Variants in TAOK3 observed in about 807,000 individuals in gnomAD.
TAOK3 encodes the protein TAO kinase 3.
In TAOK3, 40 loss-of-function variants were observed where a neutral mutation model predicts 120.4. That is an observed-to-expected ratio of 0.33 (90% confidence interval 0.26 to 0.43). TAOK3 has a LOEUF of 0.43. TAOK3 is among the 20% of genes least tolerant of loss of function. The probability of loss-of-function intolerance (pLI) is 1.00; values close to 1 mark genes in which losing one functional copy is unlikely to be tolerated. For missense variants in TAOK3, 821 were observed against 1,112.1 expected (o/e 0.74, Z 3.72); for synonymous variants, 355 against 387.5 (o/e 0.92, Z 0.99).
chr12:118,355,144 C>T (rs994749815), intron 1 of TAOK3, among the ~76,000 whole-genome samples: 2 of 152,100 alleles, frequency 1.3e-5, no homozygotes, highest in African/African-American at 4.8e-5. Flanking sequence ...CCACAGTTCA[C>T]CATGAGTAAT....
At chr12:118,207,030 T>C (rs766116602) in intron 11 of TAOK3, among the ~76,000 whole-genome samples, 2 of 151,632 alleles carry the variant, frequency 1.3e-5, no homozygotes, top group South Asian at 2.1e-4. Context: ...GAAAAATGTA[T>C]AAAAAAAGAA....
chr12:118,166,120 C>G (rs1291365734), intron 17 of TAOK3, among the ~76,000 whole-genome samples: 1 of 152,136 alleles, frequency 6.6e-6, no homozygotes, highest in Non-Finnish European at 1.5e-5. Context: ...AGGATTTCCC[C>G]CTTTTATATG....
At chr12:118,350,793 G>GAGGTTGCAGGGAGGTGT (rs1430743064) in intron 1 of TAOK3, among the ~76,000 whole-genome samples, 1 of 151,138 alleles carries the variant, frequency 6.6e-6, no homozygotes, top group East Asian at 2.0e-4. Context: ...CTGGGAGGTG[G>GAGGTTGCAGGGAGGTGT]AGGTTGCAGT....
chr12:118,302,689 C>T (rs1467428449), intron 1 of TAOK3, among the ~76,000 whole-genome samples: 1 of 152,096 alleles, frequency 6.6e-6, no homozygotes, highest in Non-Finnish European at 1.5e-5. Context: ...ATATTAGTCA[C>T]TCAAGACATG....
At chr12:118,261,470 G>A (rs1027122385) in intron 2 of TAOK3, 1 of 152,076 alleles carries the variant, frequency 6.6e-6, no homozygotes, top group East Asian at 1.9e-4. Flanking sequence ...CAGGAAGGAG[G>A]CAAGGATGTT....
chr12:118,239,784 C>CTA (rs1376925101), intron 5 of TAOK3, among the ~76,000 whole-genome samples: 1 of 152,114 alleles, frequency 6.6e-6, no homozygotes, highest in Non-Finnish European at 1.5e-5. Context: ...ATGTAGCCTG[C>CTA]TATGTATCAT....
intron 5 of TAOK3, among the ~76,000 whole-genome samples, chr12:118,243,186 T>A (rs1366186472): frequency 6.6e-6 from 1 of 152,126 alleles, no homozygotes; most frequent in African/African-American, 2.4e-5. Context: ...TTTCACCATC[T>A]CTTTCTGAGT....
At chr12:118,159,257 G>T (rs2035050564) in intron 19 of TAOK3, among the ~76,000 whole-genome samples, 1 of 151,492 alleles carries the variant, frequency 6.6e-6, no homozygotes, top group South Asian at 2.1e-4. Context: ...GACGAGCTTA[G>T]TTAGTCCTAC....
At chr12:118,175,677 T>C (rs1218726155) in intron 16 of TAOK3, among the ~76,000 whole-genome samples, 2 of 152,068 alleles carry the variant, frequency 1.3e-5, no homozygotes, top group African/African-American at 2.4e-5. Flanking sequence ...ATTTTATATA[T>C]ACTAAAACAA....
chr12:118,293,016 G>A (rs1387852178), intron 1 of TAOK3, among the ~76,000 whole-genome samples: 1 of 152,142 alleles, frequency 6.6e-6, no homozygotes, highest in African/African-American at 2.4e-5. Context: ...ATTTTGCTTT[G>A]CCACTAGCAG....
chr12:118,216,764 T>C (rs1265807761), intron 9 of TAOK3, among the ~76,000 whole-genome samples: 2 of 151,770 alleles, frequency 1.3e-5, no homozygotes, highest in Non-Finnish European at 2.9e-5. Context: ...CTGTCTCTAC[T>C]AAAAATACAA....
chr12:118,346,204 T>C (rs1456208688), intron 1 of TAOK3, among the ~76,000 whole-genome samples: 1 of 152,180 alleles, frequency 6.6e-6, no homozygotes, highest in Non-Finnish European at 1.5e-5. Flanking sequence ...GTCAGGGACT[T>C]CTCACCACTT....
intron 17 of TAOK3, among the ~76,000 whole-genome samples, chr12:118,165,394 T>C (rs1222498355): frequency 1.3e-5 from 2 of 152,230 alleles, no homozygotes; most frequent in African/African-American, 4.8e-5. Flanking sequence ...CTGAAACTCA[T>C]GGGCTCTTGA....
At chr12:118,366,464 A>G (rs2045744103) in intron 1 of TAOK3, among the ~76,000 whole-genome samples, 2 of 152,198 alleles carry the variant, frequency 1.3e-5, no homozygotes, top group African/African-American at 2.4e-5. Flanking sequence ...ACATAAGCCA[A>G]TATCATTAGA....
chr12:118,352,029 G>A (rs1223648134), intron 1 of TAOK3, among the ~76,000 whole-genome samples: 1 of 150,606 alleles, frequency 6.6e-6, no homozygotes, highest in Non-Finnish European at 1.5e-5. Context: ...ACCCGCCACC[G>A]CGCCTGGCTA....
chr12:118,205,246 A>G (rs1197497189), intron 11 of TAOK3, among the ~76,000 whole-genome samples: 1 of 151,926 alleles, frequency 6.6e-6, no homozygotes, highest in Non-Finnish European at 1.5e-5. Flanking sequence ...GCCCGCCTAT[A>G]GTCCCAGGTA....
At position 118,372,146 on chromosome 12, in the gene TAOK3, C is replaced by G. The variant is rs1199748677; in HGVS notation, c.-194+502G>C. On this transcript the variant is annotated intron_variant, in intron 1 of 20. Transcript: ENST00000392533. This position sits in a 1 kb window ranked among gnomAD's most constrained non-coding sequence, Gnocchi z 4.6. ...CTCTGTCCTGGATTCTCTCTGGGTC[C>G]CCTCCCCTCACCTCGGGGTCTCCTC... 6.6e-6 allele frequency among the ~76,000 whole-genome samples: 1 copy of G among 151,434 alleles called. No individual in the cohort carries two copies. Among genetic ancestry groups the G allele is most frequent in the Admixed American group, 6.6e-5 (1 of 15,242 alleles).
intron 11 of TAOK3, among the ~76,000 whole-genome samples, chr12:118,202,656 A>G (rs747267943): frequency 3.3e-5 from 5 of 152,030 alleles, no homozygotes; most frequent in Non-Finnish European, 7.3e-5. Context: ...CTTGAGGTTT[A>G]CTTTATCATA....
chr12:118,246,364 T>C (rs1345509889), intron 3 of TAOK3: 5 of 1,600,466 alleles, frequency 3.1e-6, no homozygotes, highest in South Asian at 2.2e-5. Context: ...TCAGAGATCA[T>C]TGATTTCTTC....
Sources: allele counts gnomAD v4.1 joint callset (sites outside exome capture counted in the v4.1 genomes callset), GRCh38; gene constraint gnomAD v4.1.1; non-coding constraint Gnocchi (gnomAD v3.1); transcripts MANE v1.5; gene names NCBI Gene and HGNC (gene_info 2026-07-23, HGNC 2026-07-21).